Variants in SHPRH observed in about 807,000 individuals in gnomAD.
The protein encoded by SHPRH is E3 ubiquitin-protein ligase SHPRH.
SHPRH carries 106 observed loss-of-function variants against 202.5 expected under a neutral mutation model. The observed-to-expected ratio is 0.52, with a 90% CI of 0.45 to 0.62. The LOEUF (loss-of-function observed/expected upper bound fraction) is 0.62, where lower values mean the gene tolerates loss of function less well. Ranked by LOEUF, SHPRH falls within the 20% of genes least tolerant of loss-of-function variation. SHPRH has a pLI of 0.00. For synonymous variants in SHPRH, 729 were observed against 686.0 expected (o/e 1.06, Z -0.98); for missense variants, 1,710 against 2,020.0 (o/e 0.85, Z 2.94).
intron 1 of SHPRH, among the ~76,000 whole-genome samples, chr6:145,955,951 T>C (rs978968133): frequency 1.3e-5 from 2 of 152,094 alleles, no homozygotes; most frequent in South Asian, 4.1e-4. Context: ...AGAAAAATGA[T>C]AGATATACAA....
chr6:145,945,615 T>C lies in SHPRH; in HGVS notation c.1344A>G (p.Thr448=), dbSNP rs775373717. The C allele has an allele frequency of 1.4e-5, 22 of 1,611,754 alleles. No individual in the cohort carries two copies. In the South Asian group the frequency reaches 2.3e-4, roughly 17 times the overall value. Residue 448 remains threonine, a synonymous_variant, in exon 8 of 30, where the codon ACA becomes ACG. Coordinates refer to ENST00000275233, the MANE Select transcript of SHPRH (RefSeq NM_001042683.3). ...TTTTTCCATTCATTTCTTTCACAGC[T>C]GTCAGTATCATCACACGTGTAGCTA... ...QCPPTRVMIL[T]AVKEMNGKKG...
chr6:145,943,630 G>A lies in SHPRH; in HGVS notation c.1751C>T (p.Thr584Ile). Residue 584 changes from threonine (T) to isoleucine (I), a missense_variant, in exon 9 of 30, where the codon ACA (threonine) becomes ATA (isoleucine). By Grantham distance (89) the Thr-to-Ile change is moderately conservative (BLOSUM62 -1). Around this residue, in one of 8 missense-constraint regions of SHPRH, gnomAD observed 348 missense variants for 356.9 expected, o/e 0.97. Transcript: ENST00000275233. ...AAATGGTTGACTTTTTCCTTTTTTTGTGGATGGAACAAGCTTTTTCCTCAA... is the reference window on the plus strand; with the variant it reads ...AAATGGTTGACTTTTTCCTTTTTTTATGGATGGAACAAGCTTTTTCCTCAA... ...SKLRKKLVPS[T>I]KKGKSQPFIN... 1 of 1,613,584 alleles carries A rather than the reference G, an allele frequency of 6.2e-7. No individual in the cohort carries two copies. Among genetic ancestry groups the A allele is most frequent in the Non-Finnish European group, 8.5e-7 (1 of 1,179,842 alleles).
At chr6:145,954,088 C>G (rs1386880916) in intron 2 of SHPRH, among the ~76,000 whole-genome samples, 1 of 151,514 alleles carries the variant, frequency 6.6e-6, no homozygotes, top group Non-Finnish European at 1.5e-5. Context: ...GAATTAAATG[C>G]TATACTAAAT....
chr6:145,950,506 C>T (rs764363044), intron 3 of SHPRH, 24 bp from the exon 4 acceptor site: 15 of 1,601,680 alleles, frequency 9.4e-6, no homozygotes, highest in African/African-American at 1.3e-5. Context: ...AGCAAATGTA[C>T]TCAAAAACTG....
intron 1 of SHPRH, among the ~76,000 whole-genome samples, chr6:145,958,572 A>C (rs888769927): frequency 2.0e-5 from 3 of 152,192 alleles, no homozygotes; most frequent in African/African-American, 7.2e-5. Flanking sequence ...ACCTTTATTT[A>C]GGAACAAGGT....
chr6:145,924,447 T>C (rs185178980), intron 17 of SHPRH, among the ~76,000 whole-genome samples: 1 of 152,004 alleles, frequency 6.6e-6, no homozygotes. Context: ...AAGGAGGTTA[T>C]AGAAGTCTTT....
intron 14 of SHPRH, among the ~76,000 whole-genome samples, chr6:145,932,014 T>C (rs1785511612): frequency 1.3e-5 from 2 of 152,088 alleles, no homozygotes. Flanking sequence ...TTGGAGAGTT[T>C]CTATTGCTAT....
chr6:145,929,739 A>T (rs1785237469), intron 14 of SHPRH, among the ~76,000 whole-genome samples: 1 of 152,070 alleles, frequency 6.6e-6, no homozygotes, highest in Admixed American at 6.5e-5. Context: ...CCTAGAGGGA[A>T]GATTTGCACA....
intron 2 of SHPRH, chr6:145,877,890 G>T (rs944676192): frequency 6.6e-6 from 1 of 152,178 alleles, no homozygotes; most frequent in Middle Eastern, 3.2e-3. Flanking sequence ...ACTTTGAGTT[G>T]TCTCACCTTT....
At chr6:145,907,136 GAT>G (rs1783035227) in intron 25 of SHPRH, 1 of 151,984 alleles carries the variant, frequency 6.6e-6, no homozygotes, top group African/African-American at 2.4e-5. Flanking sequence ...CCTTAAATAT[GAT>G]ATGTCTAAAT....
chr6:145,929,611 A>C (rs946741448), intron 14 of SHPRH, among the ~76,000 whole-genome samples: 4 of 152,044 alleles, frequency 2.6e-5, no homozygotes, highest in Admixed American at 6.6e-5. Flanking sequence ...ATTACAATTA[A>C]GTTGAAAATT....
At chr6:145,870,328 C>G (rs1780001529) in intron 2 of SHPRH, among the ~76,000 whole-genome samples, 1 of 140,400 alleles carries the variant, frequency 7.1e-6, no homozygotes, top group East Asian at 2.2e-4. Flanking sequence ...GTGGTGCAAT[C>G]TTGGCTCACT....
At chr6:145,912,008 AAGG>A (rs933725490) in intron 24 of SHPRH, among the ~76,000 whole-genome samples, 24 of 152,000 alleles carry the variant, frequency 1.6e-4, no homozygotes, top group Non-Finnish European at 1.2e-4. Context: ...CTCTACTGGA[AAGG>A]AGTTTTGTGA....
intron 24 of SHPRH, among the ~76,000 whole-genome samples, chr6:145,911,386 G>A (rs1324372252): frequency 3.9e-5 from 6 of 151,956 alleles, no homozygotes; most frequent in Admixed American, 2.6e-4. Flanking sequence ...CATCCACTTC[G>A]GCCTGGGATT....
In SHPRH at chr6:145,950,294, G is replaced by C. The variant is rs760678580; in HGVS notation, c.952C>G (p.Gln318Glu). 6.2e-7 allele frequency: 1 copy of C among 1,612,960 alleles called. No homozygotes were observed. The highest frequency in any genetic ancestry group is 8.5e-7 in the Non-Finnish European group (1 of 1,179,312). ...QREAVNWMLQQECFRSSPATE... is the reference protein window; with the variant it reads ...QREAVNWMLQEECFRSSPATE... Reference sequence around the variant, plus strand: ...GCAGGACTGCTTCTGAAACACTCTTGTTGTAGCATCCAATTGACAGCCTCT... The same window carrying C: ...GCAGGACTGCTTCTGAAACACTCTTCTTGTAGCATCCAATTGACAGCCTCT... Residue 318 changes from glutamine (Q) to glutamate (E), a missense_variant, in exon 4 of 30, where the codon CAA (glutamine) becomes GAA (glutamate). By Grantham distance (29) the Gln-to-Glu change is conservative. Coordinates refer to ENST00000275233, the MANE Select transcript of SHPRH (RefSeq NM_001042683.3).
At chr6:145,948,849 C>CATAA (rs937510988) in intron 4 of SHPRH, among the ~76,000 whole-genome samples, 1 of 151,938 alleles carries the variant, frequency 6.6e-6, no homozygotes, top group African/African-American at 2.4e-5. Context: ...TATCTAAAAC[C>CATAA]ATAACTCAGA....
At chr6:145,875,585 T>C (rs950199177) in intron 2 of SHPRH, among the ~76,000 whole-genome samples, 8 of 152,176 alleles carry the variant, frequency 5.3e-5, no homozygotes, top group Non-Finnish European at 7.3e-5. Flanking sequence ...AATTAGTCAT[T>C]ATGTGAGTTG....
Position 145,920,134 on chromosome 6 carries a change from C to A in SHPRH, c.4009-643G>T, listed in dbSNP as rs575869511. On this transcript the variant is annotated intron_variant, in intron 21 of 29. Transcript: ENST00000275233. ...TACATTTTTTGACAGGCTCTCTTCACTGACTTTACATTTTGAGGTAGATCT... is the reference window on the plus strand; with the variant it reads ...TACATTTTTTGACAGGCTCTCTTCAATGACTTTACATTTTGAGGTAGATCT... Among the ~76,000 whole-genome samples, 3 of 152,236 alleles carry A rather than the reference C, an allele frequency of 2.0e-5. No homozygotes were observed. The East Asian group carries it at 5.8e-4, about 29-fold the overall frequency.
At chr6:145,871,758 A>G (rs1419299386) in intron 2 of SHPRH, among the ~76,000 whole-genome samples, 1 of 152,228 alleles carries the variant, frequency 6.6e-6, no homozygotes, top group Non-Finnish European at 1.5e-5. Context: ...TAGCAAAAAG[A>G]ACAAAGGTGG....
Sources: allele counts gnomAD v4.1 joint callset (sites outside exome capture counted in the v4.1 genomes callset), GRCh38; gene constraint gnomAD v4.1.1; regional missense constraint gnomAD v4.1.1; transcripts MANE v1.5; gene names NCBI Gene and HGNC (gene_info 2026-07-23, HGNC 2026-07-21).